Variants in GPC6 observed in about 807,000 individuals in gnomAD.
GPC6 encodes glypican 6.
A neutral mutation model predicts 55.2 loss-of-function variants in GPC6; 14 were observed. The observed-to-expected ratio is 0.25, with a 90% CI of 0.17 to 0.40. GPC6 has a LOEUF of 0.40. Among genes scored for constraint, GPC6 ranks in the 10% least tolerant of loss-of-function variants. The pLI is 1.00. For missense variants in GPC6, 641 were observed against 708.5 expected (o/e 0.90, Z 1.08); for synonymous variants, 278 against 259.6 (o/e 1.07, Z -0.68).
chr13:94,182,823 G>C (rs1468779838), intron 4 of GPC6, among the ~76,000 whole-genome samples: 2 of 152,138 alleles, frequency 1.3e-5, no homozygotes, highest in East Asian at 1.9e-4. Flanking sequence ...TGTCACCCAG[G>C]CTCCGTCAGT....
intron 2 of GPC6, among the ~76,000 whole-genome samples, chr13:93,685,903 G>T (rs1413260753): frequency 6.6e-6 from 1 of 152,006 alleles, no homozygotes; most frequent in African/African-American, 2.4e-5. Flanking sequence ...ATGAATTTTG[G>T]AAGAAATTCA....
rs1428797369 is a variant in GPC6 at position 93,798,560 on chromosome 13, A to C, written c.320-31594A>C. Among the ~76,000 whole-genome samples the C allele has an allele frequency of 2.0e-5, 3 of 152,164 alleles. No individual in the cohort carries two copies. The South Asian group carries it at 6.2e-4, about 32-fold the overall frequency. ...GTGAATTCTCCGCTACAGACATGCT[A>C]TACCTTCCCTGAAAAAAGCACATAT... On this transcript the variant is annotated intron_variant, in intron 2 of 8. Transcript: ENST00000377047.
chr13:93,864,934 A>G (rs1278177550), intron 3 of GPC6, among the ~76,000 whole-genome samples: 1 of 151,738 alleles, frequency 6.6e-6, no homozygotes, highest in Non-Finnish European at 1.5e-5. Flanking sequence ...AGTTATTCAA[A>G]TTTTGTGTAA....
chr13:93,773,003 G>A (rs981203046), intron 2 of GPC6, among the ~76,000 whole-genome samples: 5 of 152,050 alleles, frequency 3.3e-5, no homozygotes, highest in Non-Finnish European at 5.9e-5. Context: ...TTCCCGGTGG[G>A]ACATTTTCTC....
At chr13:93,316,403 C>A (rs1879250265) in intron 1 of GPC6, among the ~76,000 whole-genome samples, 1 of 151,964 alleles carries the variant, frequency 6.6e-6, no homozygotes, top group Non-Finnish European at 1.5e-5. Context: ...GTCTGGGACA[C>A]AAAGATGTCC....
chr13:93,812,097 G>T (rs931923913), intron 2 of GPC6, among the ~76,000 whole-genome samples: 1 of 145,368 alleles, frequency 6.9e-6, no homozygotes, highest in East Asian at 2.1e-4. Context: ...GGCTGGGTAC[G>T]TTGGCTCACG....
At chr13:93,251,978 GT>G (rs1876799932) in intron 1 of GPC6, among the ~76,000 whole-genome samples, 1 of 152,132 alleles carries the variant, frequency 6.6e-6, no homozygotes, top group Non-Finnish European at 1.5e-5. Flanking sequence ...TCTGTTTGTT[GT>G]TTTTACCATC....
At chr13:93,650,023 A>G (rs1880338521) in intron 2 of GPC6, among the ~76,000 whole-genome samples, 1 of 152,174 alleles carries the variant, frequency 6.6e-6, no homozygotes, top group African/African-American at 2.4e-5. Flanking sequence ...GTCTTATAGA[A>G]AGAAAATGGA....
chr13:93,732,438 G>A (rs1010784716), intron 2 of GPC6, among the ~76,000 whole-genome samples: 20 of 152,062 alleles, frequency 1.3e-4, no homozygotes, highest in South Asian at 2.1e-4. Context: ...CCCTGGGAGC[G>A]CTGAAATGAG....
intron 2 of GPC6, among the ~76,000 whole-genome samples, chr13:93,765,367 G>A (rs2138883905): frequency 1.4e-5 from 1 of 69,166 alleles, no homozygotes; most frequent in Non-Finnish European, 3.3e-5. Flanking sequence ...AGATGTTACA[G>A]TTGATAAAGA....
At chr13:94,336,518 A>C (rs557258348) in intron 6 of GPC6, among the ~76,000 whole-genome samples, 171 of 152,240 alleles carry the variant, frequency 1.1e-3, no homozygotes, top group Non-Finnish European at 2.1e-3. Flanking sequence ...GAAAATGCAG[A>C]GTCTCACTGG....
intron 2 of GPC6, among the ~76,000 whole-genome samples, chr13:93,594,616 A>T (rs916007781): frequency 4.6e-5 from 7 of 152,036 alleles, no homozygotes; most frequent in African/African-American, 1.4e-4. Flanking sequence ...TCCTGCTAAA[A>T]GAGGGAAAGA....
At chr13:93,320,925 C>T (rs142766725) in intron 1 of GPC6, among the ~76,000 whole-genome samples, 5 of 144,988 alleles carry the variant, frequency 3.4e-5, no homozygotes, top group Admixed American at 7.0e-5. Flanking sequence ...GTAACAATAG[C>T]GGTTTTTTAA....
rs556207909 is a variant in GPC6, at chr13:93,807,755, A to G, written c.320-22399A>G. Among the ~76,000 whole-genome samples the G allele has an allele frequency of 7.9e-5, 12 of 152,314 alleles. No homozygotes were observed. In the South Asian group the frequency reaches 1.9e-3, roughly 24 times the overall value. On this transcript the variant is annotated intron_variant, in intron 2 of 8. Transcript: ENST00000377047. ...ACACTGGTGTATGGTAGACTCCCGT[A>G]GGGTAGTAGTAGACTCACTTGCGAT...
chr13:93,226,512 G>A (rs1243036926), upstream of GPC6: 1 of 152,298 alleles, frequency 6.6e-6, no homozygotes, highest in Non-Finnish European at 1.5e-5. Context: ...TTGTGTTTCA[G>A]TAGGTCAGGG....
intron 4 of GPC6, among the ~76,000 whole-genome samples, chr13:94,049,245 T>C (rs1883845230): frequency 1.4e-5 from 1 of 71,680 alleles, no homozygotes; most frequent in African/African-American, 3.7e-5. Context: ...GGAGATCTTA[T>C]CTCAAAAAAA....
At chr13:94,206,951 C>G (rs563828638) in intron 4 of GPC6, among the ~76,000 whole-genome samples, 76 of 152,234 alleles carry the variant, frequency 5.0e-4, no homozygotes, top group African/African-American at 1.6e-3. Flanking sequence ...CCAGTCACCC[C>G]CTTTATCTAA....
At chr13:94,107,241 G>T (rs979439806) in intron 4 of GPC6, among the ~76,000 whole-genome samples, 5 of 152,108 alleles carry the variant, frequency 3.3e-5, no homozygotes, top group African/African-American at 1.2e-4. Context: ...GAATAAAGTT[G>T]TTTCACTGTG....
chr13:93,426,006 T>C (rs1184263848), intron 1 of GPC6, among the ~76,000 whole-genome samples: 1 of 152,202 alleles, frequency 6.6e-6, no homozygotes, highest in East Asian at 1.9e-4. Context: ...TTGAAGCCTT[T>C]ACCACCTCTC....
Sources: allele counts gnomAD v4.1 joint callset (sites outside exome capture counted in the v4.1 genomes callset), GRCh38; gene constraint gnomAD v4.1.1; transcripts MANE v1.5; gene names NCBI Gene and HGNC (gene_info 2026-07-23, HGNC 2026-07-21).